The following ANKS1B variants were observed in gnomAD, a reference collection of about 807,000 sequenced individuals.
The protein encoded by ANKS1B is ankyrin repeat and sterile alpha motif domain-containing protein 1B.
In ANKS1B, 36 loss-of-function variants were observed where a neutral mutation model predicts 148.3. The ratio of observed to expected loss-of-function variants is 0.24; its 90% CI spans 0.19 to 0.32. The LOEUF is 0.32. Among genes scored for constraint, ANKS1B ranks in the 10% least tolerant of loss-of-function variants. The probability of loss-of-function intolerance (pLI) is 1.00; values close to 1 mark genes in which losing one functional copy is unlikely to be tolerated. For synonymous variants in ANKS1B, 542 were observed against 560.8 expected (o/e 0.97, Z 0.47); for missense variants, 1,157 against 1,542.6 (o/e 0.75, Z 4.19).
At chr12:99,412,734 C>T (rs1489554574) in intron 11 of ANKS1B, among the ~76,000 whole-genome samples, 1 of 152,120 alleles carries the variant, frequency 6.6e-6, no homozygotes, top group Non-Finnish European at 1.5e-5. Context: ...TAAACACTTG[C>T]GATCCACTCA....
In ANKS1B at chr12:99,240,885, T is replaced by C. The variant is rs554290092; in HGVS notation, c.2419+3457A>G. Among the ~76,000 whole-genome samples, 3 of 152,282 alleles carry C rather than the reference T, an allele frequency of 2.0e-5. No individual in the cohort carries two copies. In the South Asian group the frequency reaches 6.2e-4, roughly 32 times the overall value. ...ACACATTGTACCAGAATCTCTGGGA[T>C]ACATTTAAAGCAGCGTGTAGAGGGA... On this transcript the variant is annotated intron_variant, in intron 14 of 26. Coordinates refer to ENST00000683438, the MANE Select transcript of ANKS1B (RefSeq NM_001352186.2).
At chr12:98,990,113 G>T (rs2099925706) in intron 17 of ANKS1B, among the ~76,000 whole-genome samples, 1 of 152,064 alleles carries the variant, frequency 6.6e-6, no homozygotes, top group Admixed American at 6.5e-5. Context: ...GGATAATGTG[G>T]ACATTTTAAC....
intron 1 of ANKS1B, among the ~76,000 whole-genome samples, chr12:99,913,094 T>C (rs17029854): frequency 0.029 from 4,411 of 152,268 alleles, 196 homozygotes; most frequent in African/African-American, 0.096. Context: ...TCTGTGACCC[T>C]TATTTTCATA....
intron 1 of ANKS1B, among the ~76,000 whole-genome samples, chr12:99,838,176 T>C (rs1408399258): frequency 6.6e-6 from 1 of 152,200 alleles, no homozygotes; most frequent in Non-Finnish European, 1.5e-5. Context: ...CAATCATCTG[T>C]TGATGGACAC....
At chr12:99,771,286 A>G (rs1157141292) in intron 8 of ANKS1B, among the ~76,000 whole-genome samples, 1 of 152,066 alleles carries the variant, frequency 6.6e-6, no homozygotes, top group African/African-American at 2.4e-5. Context: ...GTCTATATAT[A>G]TATAATTTAC....
At chr12:99,172,257 T>G (rs1956849569) in intron 14 of ANKS1B, among the ~76,000 whole-genome samples, 1 of 151,994 alleles carries the variant, frequency 6.6e-6, no homozygotes, top group Non-Finnish European at 1.5e-5. Flanking sequence ...AAACAGACAA[T>G]CAAGGGACTT....
At chr12:99,405,876 G>C (rs953536545) in intron 11 of ANKS1B, among the ~76,000 whole-genome samples, 1 of 144,862 alleles carries the variant, frequency 6.9e-6, no homozygotes, top group African/African-American at 2.6e-5. Context: ...AATCAAAAAA[G>C]AGCAGTCGTA....
At chr12:99,372,512 C>A (rs2093192188) in intron 12 of ANKS1B, among the ~76,000 whole-genome samples, 4 of 152,078 alleles carry the variant, frequency 2.6e-5, no homozygotes, top group Non-Finnish European at 1.5e-5. Context: ...GTTCCATTAT[C>A]TCTGCTTTTT....
At chr12:99,973,708 T>C (rs530753753) in intron 1 of ANKS1B, among the ~76,000 whole-genome samples, 1 of 152,328 alleles carries the variant, frequency 6.6e-6, no homozygotes, top group Admixed American at 6.5e-5. Context: ...AGGAAGGAAC[T>C]GCAGATGTGG....
At chr12:99,544,442 C>T (rs991608261) in intron 9 of ANKS1B, among the ~76,000 whole-genome samples, 6 of 152,038 alleles carry the variant, frequency 3.9e-5, no homozygotes, top group African/African-American at 1.4e-4. Flanking sequence ...ACTGAAACTG[C>T]GAGATTTCTT....
At chr12:98,964,523 A>G (rs1265528214) in intron 17 of ANKS1B, among the ~76,000 whole-genome samples, 3 of 152,252 alleles carry the variant, frequency 2.0e-5, no homozygotes, top group Non-Finnish European at 4.4e-5. Flanking sequence ...TTGCAGCACT[A>G]TTCACAATGG....
intron 14 of ANKS1B, among the ~76,000 whole-genome samples, chr12:99,167,474 AG>A (rs1237693521): frequency 6.6e-6 from 1 of 152,202 alleles, no homozygotes; most frequent in African/African-American, 2.4e-5. Flanking sequence ...GCATTTGAAA[AG>A]AGGCTCAACA....
chr12:99,076,690 T>C (rs1428871431), intron 16 of ANKS1B, among the ~76,000 whole-genome samples: 2 of 152,192 alleles, frequency 1.3e-5, no homozygotes, highest in African/African-American at 4.8e-5. Flanking sequence ...TCTGATAAAG[T>C]AGGCTATATT....
chr12:99,212,648 C>G (rs572746299), intron 14 of ANKS1B, among the ~76,000 whole-genome samples: 96 of 152,240 alleles, frequency 6.3e-4, no homozygotes, highest in Middle Eastern at 3.4e-3. Flanking sequence ...TTGATGGTTT[C>G]TTTGTAAGCC....
At chr12:98,778,537 A>G (rs1279758212) in intron 24 of ANKS1B, among the ~76,000 whole-genome samples, 1 of 152,212 alleles carries the variant, frequency 6.6e-6, no homozygotes, top group Non-Finnish European at 1.5e-5. Flanking sequence ...GAAAACAGAA[A>G]GCAGGACTCT....
intron 10 of ANKS1B, among the ~76,000 whole-genome samples, chr12:99,497,382 C>T (rs1300926769): frequency 6.6e-6 from 1 of 152,072 alleles, no homozygotes; most frequent in East Asian, 1.9e-4. Flanking sequence ...ATACAGAGGG[C>T]CAACTATACT....
chr12:98,759,875 G>A (rs1192530848), intron 25 of ANKS1B, among the ~76,000 whole-genome samples: 1 of 152,132 alleles, frequency 6.6e-6, no homozygotes, highest in East Asian at 1.9e-4. Context: ...AGCTACTCGG[G>A]GGGCTGAGGC....
At chr12:99,570,315 G>A (rs901571081) in intron 9 of ANKS1B, among the ~76,000 whole-genome samples, 4 of 150,654 alleles carry the variant, frequency 2.7e-5, no homozygotes, top group Non-Finnish European at 5.9e-5. Flanking sequence ...TAATATTGTT[G>A]TTCTTGAGCT....
chr12:98,752,246 C>A (rs117860854), intron 25 of ANKS1B, among the ~76,000 whole-genome samples: 4,910 of 144,972 alleles, frequency 0.034, 111 homozygotes, highest in Middle Eastern at 0.062. Flanking sequence ...AAGGCTGTGT[C>A]ACGGGTGCAT....
Sources: allele counts gnomAD v4.1 joint callset (sites outside exome capture counted in the v4.1 genomes callset), GRCh38; gene constraint gnomAD v4.1.1; transcripts MANE v1.5; gene names NCBI Gene and HGNC (gene_info 2026-07-23, HGNC 2026-07-21).